The following MOBP variants were observed in gnomAD, a reference collection of about 807,000 sequenced individuals.
The protein encoded by MOBP is myelin-associated oligodendrocyte basic protein.
Under a neutral mutation model 15.0 loss-of-function variants are expected in MOBP, and 5 were observed. That is an observed-to-expected ratio of 0.33 (90% CI 0.17 to 0.70). MOBP has a LOEUF of 0.70. Among genes scored for constraint, MOBP ranks in the 30% least tolerant of loss-of-function variants. MOBP has a pLI of 0.67. For missense variants in MOBP, 188 were observed against 257.8 expected (o/e 0.73, Z 1.85); for synonymous variants, 88 against 99.0 (o/e 0.89, Z 0.66).
chr3:39,529,415 CA>C (rs1666013967), downstream of MOBP: 1 of 152,112 alleles, frequency 6.6e-6, no homozygotes, highest in Non-Finnish European at 1.5e-5. Flanking sequence ...AGTGGAAAAA[CA>C]GGTCAAAATA....
At chr3:39,474,570 ATGT>A (rs1334900456) in intron 1 of MOBP, among the ~76,000 whole-genome samples, 1 of 152,180 alleles carries the variant, frequency 6.6e-6, no homozygotes, top group Non-Finnish European at 1.5e-5. Flanking sequence ...ATTGACTGAA[ATGT>A]TGTTATATGG....
chr3:39,506,738 A>G (rs1169444828), downstream of MOBP, among the ~76,000 whole-genome samples: 3 of 152,236 alleles, frequency 2.0e-5, no homozygotes, highest in African/African-American at 7.2e-5. Flanking sequence ...AGGAAAAGAA[A>G]GGCAAGTGCT....
chr3:39,474,263 C>T (rs2042511939), intron 1 of MOBP, among the ~76,000 whole-genome samples: 1 of 152,168 alleles, frequency 6.6e-6, no homozygotes, highest in African/African-American at 2.4e-5. Context: ...ATTCCAATCA[C>T]TGGCTCTTGA....
intron 4 of MOBP, among the ~76,000 whole-genome samples, chr3:39,509,344 C>T (rs2043090203): frequency 6.6e-6 from 1 of 152,136 alleles, no homozygotes; most frequent in Non-Finnish European, 1.5e-5. Flanking sequence ...TTCATTCCTA[C>T]CAGTAACCTG....
chr3:39,496,889 C>G (rs886967406), intron 2 of MOBP, among the ~76,000 whole-genome samples: 2 of 152,040 alleles, frequency 1.3e-5, no homozygotes, highest in Non-Finnish European at 2.9e-5. Context: ...TCTCGAACTC[C>G]CAACCTTGGG....
rs149423530 is a variant in MOBP at position 39,469,136 on chromosome 3, G to A, written c.-89+1396G>A. On this transcript the variant is annotated intron_variant, in intron 1 of 3. Transcript: ENST00000684792. ...TATATACATATATACATATGTGTGT[G>A]TATATACATATATACATATGTGTGT... 4.6e-3 allele frequency among the ~76,000 whole-genome samples: 229 copies of A among 50,036 alleles called. 59 individuals are homozygous for A. In the African/African-American group the frequency reaches 0.052, roughly 11 times the overall value. 32.8% of individuals were successfully genotyped at this position (50,036 alleles called of 152,430 possible). A position where few individuals can be genotyped will look rare whatever the true frequency, so the allele number is the denominator to read the frequency against.
At chr3:39,527,817 C>T (rs1288726758), downstream of MOBP, 2 of 152,180 alleles carry the variant, frequency 1.3e-5, no homozygotes, top group Non-Finnish European at 2.9e-5. Context: ...GTGTTCTGAG[C>T]TGTTAGTTTC....
intron 3 of MOBP, among the ~76,000 whole-genome samples, chr3:39,521,640 G>C (rs2043268339): frequency 6.6e-6 from 1 of 152,138 alleles, no homozygotes; most frequent in Non-Finnish European, 1.5e-5. Flanking sequence ...CTGGCCAACA[G>C]GGTTAATATT....
At position 39,513,536 on chromosome 3, in the gene MOBP, C is replaced by CCTGCTGATGTGGCAA. The variant is rs1434334212; in HGVS notation, c.*163_*177dup. 6.4e-6 allele frequency: 7 copies of CCTGCTGATGTGGCAA among 1,097,522 alleles called. No homozygotes were observed. The East Asian group carries it at 1.8e-4, about 28-fold the overall frequency. 68.0% of individuals were successfully genotyped at this position (1,097,522 alleles called of 1,614,324 possible). On this transcript the variant is annotated 3_prime_UTR_variant, in exon 5 of 5. Transcript: ENST00000311042. ...TTCAAATATTATGCAGGGGCAAACA[C>CCTGCTGATGTGGCAA]CTGCTGATGTGGCAACTGCTGATGC... is the stretch of plus-strand genomic sequence containing the variant.
At chr3:39,528,540 G>A (rs1488260048), downstream of MOBP, 2 of 152,224 alleles carry the variant, frequency 1.3e-5, no homozygotes, top group African/African-American at 4.8e-5. Flanking sequence ...TTCTGGCATT[G>A]TTTACTGAAA....
chr3:39,519,725 C>G (rs2043243306), downstream of MOBP, among the ~76,000 whole-genome samples: 1 of 152,008 alleles, frequency 6.6e-6, no homozygotes, highest in Admixed American at 6.6e-5. Context: ...CATTATTTTC[C>G]TAAACCGCAG....
intron 3 of MOBP, among the ~76,000 whole-genome samples, chr3:39,521,918 T>C (rs2043273252): frequency 6.6e-6 from 1 of 152,168 alleles, no homozygotes; most frequent in Admixed American, 6.5e-5. Context: ...ATAACCTGTG[T>C]TGACAAGTGC....
intron 2 of MOBP, among the ~76,000 whole-genome samples, chr3:39,486,793 G>A (rs1477201896): frequency 7.8e-6 from 1 of 128,436 alleles, no homozygotes; most frequent in Non-Finnish European, 1.6e-5. Flanking sequence ...TTTCTTTCGG[G>A]TTGTTTTTTC....
intron 2 of MOBP, chr3:39,500,164 C>T (rs1559423409): frequency 4.5e-6 from 2 of 441,100 alleles, no homozygotes; most frequent in East Asian, 7.1e-5. Context: ...GTTTTTCTGG[C>T]CATTAGCACA....
intron 2 of MOBP, among the ~76,000 whole-genome samples, chr3:39,501,591 A>G (rs895947596): frequency 1.3e-4 from 20 of 152,208 alleles, no homozygotes; most frequent in African/African-American, 4.8e-4. Context: ...CTGTGAGATC[A>G]AAATGTGTTG....
downstream of MOBP, among the ~76,000 whole-genome samples, chr3:39,504,804 T>A (rs902723207): frequency 7.9e-5 from 12 of 152,240 alleles, no homozygotes; most frequent in African/African-American, 2.7e-4. Context: ...ATGGGAAATA[T>A]TTGCTCTTAA....
chr3:39,522,221 TAAAAAC>T (rs1178208456), intron 3 of MOBP, among the ~76,000 whole-genome samples: 2 of 152,194 alleles, frequency 1.3e-5, no homozygotes, highest in Non-Finnish European at 2.9e-5. Flanking sequence ...GAAGACAAAT[TAAAAAC>T]AAACACATTA....
intron 2 of MOBP, among the ~76,000 whole-genome samples, chr3:39,489,301 C>T (rs2042759683): frequency 1.3e-5 from 2 of 152,216 alleles, no homozygotes; most frequent in African/African-American, 4.8e-5. Context: ...TTCAGTCATA[C>T]ATTGGATATA....
chr3:39,493,658 C>G (rs1429155483), intron 2 of MOBP, among the ~76,000 whole-genome samples: 5 of 152,158 alleles, frequency 3.3e-5, no homozygotes, highest in Non-Finnish European at 7.4e-5. Flanking sequence ...TTTAAGGAGA[C>G]AGTGAAACAG....
Sources: gnomAD v4.1 joint callset for allele counts (sites outside exome capture counted in the v4.1 genomes callset) on GRCh38, gnomAD v4.1.1 for gene constraint, MANE v1.5 for transcripts, NCBI Gene and HGNC (gene_info 2026-07-23, HGNC 2026-07-21) for gene names.